The following SLC8A2 variants were observed in gnomAD, a reference collection of about 807,000 sequenced individuals.
SLC8A2 encodes the protein solute carrier family 8 member A2.
In SLC8A2, 14 loss-of-function variants were observed where a neutral mutation model predicts 70.2. The ratio of observed to expected loss-of-function variants is 0.20; its 90% CI spans 0.13 to 0.31. The LOEUF is 0.31. SLC8A2 is among the 10% of genes least tolerant of loss of function. The pLI is 1.00. For missense variants in SLC8A2, 779 were observed against 1,320.1 expected, an observed-to-expected ratio of 0.59 and a Z score of 6.35; for synonymous variants, 575 against 594.3, an observed-to-expected ratio of 0.97 and a Z score of 0.47.
chr19:47,431,682 AAAAC>A (rs1568438668), intron 9 of SLC8A2, among the ~76,000 whole-genome samples: 29 of 27,436 alleles, frequency 1.1e-3, no homozygotes, highest in East Asian at 5.2e-3. Context: ...AAAAAAAAAC[AAAAC>A]CCAAAAAAAC....
intron 2 of SLC8A2, among the ~76,000 whole-genome samples, chr19:47,459,880 C>T (rs746152248): frequency 5.3e-5 from 8 of 152,132 alleles, no homozygotes; most frequent in Admixed American, 2.6e-4. Flanking sequence ...GAGAACCATG[C>T]CCAGCTGCCC....
chr19:47,457,809 T>TTC (rs1169130773), intron 2 of SLC8A2, among the ~76,000 whole-genome samples: 55,312 of 123,140 alleles, frequency 0.45, 12,950 homozygotes, highest in Non-Finnish European at 0.55. Flanking sequence ...TTCCTTCCTT[T>TTC]CTTCCTTCTT....
At chr19:47,469,477 C>G (rs979245022) in intron 1 of SLC8A2, among the ~76,000 whole-genome samples, 1 of 152,180 alleles carries the variant, frequency 6.6e-6, no homozygotes, top group African/African-American at 2.4e-5. Context: ...CTGCAGTCCT[C>G]AAGAGAGACC....
At chr19:47,450,871 C>T (rs1055016686) in intron 3 of SLC8A2, among the ~76,000 whole-genome samples, 1 of 152,094 alleles carries the variant, frequency 6.6e-6, no homozygotes, top group Non-Finnish European at 1.5e-5. Context: ...ACAGGGGAAG[C>T]ACCCAGAGGC....
chr19:47,437,780 G>T, intron 7 of SLC8A2, 69 bp downstream of exon 7: 2 of 1,589,074 alleles, frequency 1.3e-6, no homozygotes, highest in Non-Finnish European at 8.6e-7. Context: ...GTGGCTCCCC[G>T]CTTTCCGGAC....
rs1254040103 is a variant in SLC8A2, at chr19:47,430,788, G to A, written c.2390-323C>T. Among the ~76,000 whole-genome samples the A allele has an allele frequency of 5.3e-5, 8 of 151,974 alleles. No homozygotes were observed. Among genetic ancestry groups the A allele is most frequent in the Admixed American group, 2.0e-4 (3 of 15,252 alleles). On this transcript the variant is annotated intron_variant, in intron 9 of 9. Coordinates refer to ENST00000236877, the MANE Select transcript of SLC8A2 (RefSeq NM_015063.3). The surrounding 1 kb of genome is among the most constrained non-coding windows in gnomAD (Gnocchi z 5.9). ...GTCACCCAGGCTGGAGTGCAGTGGC[G>A]TGATCTCAGCTCACTGCAACTTCCG...
rs1171199455 is a variant in SLC8A2, at chr19:47,430,740, C to G, written c.2390-275G>C. ...CTCACTGCGTGATTTCTTTTTTTTT[C>G]CTCCGAGACGGAGTTTTGCTCTGTC... On this transcript the variant is annotated intron_variant, in intron 9 of 9. Coordinates refer to ENST00000236877, the MANE Select transcript of SLC8A2 (RefSeq NM_015063.3). The surrounding 1 kb of genome is among the most constrained non-coding windows in gnomAD (Gnocchi z 5.9). Among the ~76,000 whole-genome samples the G allele has an allele frequency of 3.3e-5, 5 of 151,758 alleles. No individual in the cohort carries two copies. Among genetic ancestry groups the G allele is most frequent in the African/African-American group, 1.2e-4 (5 of 41,368 alleles).
At position 47,430,870 on chromosome 19, in the gene SLC8A2, C is replaced by T. The variant is rs1946567374; in HGVS notation, c.2390-405G>A. Among the ~76,000 whole-genome samples, 1 of 152,014 alleles carries T rather than the reference C, an allele frequency of 6.6e-6. No individual in the cohort carries two copies. Among genetic ancestry groups the T allele is most frequent in the African/African-American group, 2.4e-5 (1 of 41,366 alleles). On this transcript the variant is annotated intron_variant, in intron 9 of 9. Transcript: ENST00000236877. This position sits in a 1 kb window ranked among gnomAD's most constrained non-coding sequence, Gnocchi z 5.9. ...GCCTCTGAGTAGCTGGGATTACAGGCGCCCACCACGCCCTGCTAAGATTTT... is the reference window on the plus strand; with the variant it reads ...GCCTCTGAGTAGCTGGGATTACAGGTGCCCACCACGCCCTGCTAAGATTTT...
intron 1 of SLC8A2, among the ~76,000 whole-genome samples, chr19:47,469,987 G>C (rs61500773): frequency 0.069 from 10,466 of 152,270 alleles, 915 homozygotes; most frequent in African/African-American, 0.21. Context: ...GGTAAGACCC[G>C]TCCTTCATAT....
chr19:47,432,036 C>T lies in SLC8A2; in HGVS notation c.2389+131G>A. 2.4e-6 allele frequency: 2 copies of T among 837,594 alleles called. No individual in the cohort carries two copies. The highest frequency in any genetic ancestry group is 1.7e-5 in the African/African-American group (1 of 57,884). 51.9% of individuals were successfully genotyped at this position (837,594 alleles called of 1,614,324 possible). ...GCTGCCTGGCTTCTATTATGCCCCACCTCCGTATTTCTCTGAGACCCACCA... is the reference window on the plus strand; with the variant it reads ...GCTGCCTGGCTTCTATTATGCCCCATCTCCGTATTTCTCTGAGACCCACCA... On this transcript the variant is annotated intron_variant, in intron 9 of 9. Transcript: ENST00000236877. This position sits in a 1 kb window ranked among gnomAD's most constrained non-coding sequence, Gnocchi z 6.2.
At position 47,430,772 on chromosome 19, in the gene SLC8A2, G is replaced by T. The variant is rs537903838; in HGVS notation, c.2390-307C>A. Among the ~76,000 whole-genome samples, 2 of 152,272 alleles carry T rather than the reference G, an allele frequency of 1.3e-5. No homozygotes were observed. Among genetic ancestry groups the T allele is most frequent in the South Asian group, 4.1e-4 (2 of 4,824 alleles). Reference sequence around the variant, plus strand: ...GACGGAGTTTTGCTCTGTCACCCAGGCTGGAGTGCAGTGGCGTGATCTCAG... The same window carrying T: ...GACGGAGTTTTGCTCTGTCACCCAGTCTGGAGTGCAGTGGCGTGATCTCAG... On this transcript the variant is annotated intron_variant, in intron 9 of 9. Transcript: ENST00000236877. This position sits in a 1 kb window ranked among gnomAD's most constrained non-coding sequence, Gnocchi z 5.9.
At chr19:47,459,806 CAT>C (rs1290077040) in intron 2 of SLC8A2, among the ~76,000 whole-genome samples, 3 of 152,092 alleles carry the variant, frequency 2.0e-5, no homozygotes, top group Non-Finnish European at 2.9e-5. Context: ...TGTGTGCGCA[CAT>C]GTGTGTATGT....
Position 47,457,457 on chromosome 19 carries a change from G to A in SLC8A2, c.813C>T (p.Gly271=). 6.2e-7 allele frequency: 1 copy of A among 1,608,380 alleles called. No homozygotes were observed. Among genetic ancestry groups the A allele is most frequent in the Non-Finnish European group, 8.5e-7 (1 of 1,178,210 alleles). The part of the protein sequence containing the change: ...RTDPRSGIII[G]AEGDPPKSIE... Reference sequence around the variant, plus strand: ...TGCTCTTCGGGGGGTCGCCCTCGGCGCCTATGATGATGCCGCTGCGTGGGT... The same window carrying A: ...TGCTCTTCGGGGGGTCGCCCTCGGCACCTATGATGATGCCGCTGCGTGGGT... Residue 271 remains glycine, a synonymous_variant, in exon 3 of 10, where the codon GGC becomes GGT. Coordinates refer to ENST00000236877, the MANE Select transcript of SLC8A2 (RefSeq NM_015063.3).
In SLC8A2 at chr19:47,430,173, G is replaced by T; in HGVS notation, c.2682C>A (p.Ala894=). ...ELGGPRGPKL[A]TTALFLGLWL... ...AGAGGCCCAGGAAGAGCGCGGTGGT[G>T]GCGAGCTTGGGTCCGCGCGGGCCGC... Residue 894 remains alanine (A), a synonymous_variant, in exon 10 of 10, where the codon GCC becomes GCA. Transcript: ENST00000236877. This position sits in a 1 kb window ranked among gnomAD's most constrained non-coding sequence, Gnocchi z 5.9. 6.3e-7 allele frequency: 1 copy of T among 1,598,828 alleles called. No individual in the cohort carries two copies. Among genetic ancestry groups the T allele is most frequent in the Non-Finnish European group, 8.5e-7 (1 of 1,172,824 alleles).
intron 2 of SLC8A2, among the ~76,000 whole-genome samples, chr19:47,464,474 A>T (rs1967433574): frequency 6.6e-6 from 1 of 152,196 alleles, no homozygotes; most frequent in South Asian, 2.1e-4. Context: ...CTTAAACTGT[A>T]CGATATATCA....
At position 47,457,472 on chromosome 19, in the gene SLC8A2, G is replaced by A; in HGVS notation, c.798C>T (p.Ser266=). 6.2e-7 allele frequency: 1 copy of A among 1,609,378 alleles called. No homozygotes were observed. Among genetic ancestry groups the A allele is most frequent in the Non-Finnish European group, 8.5e-7 (1 of 1,178,552 alleles). The change falls in exon 3 of 10, where the codon AGC becomes AGT. Residue 266 remains serine (S), a synonymous_variant. Transcript: ENST00000236877. ...VYKRYRTDPR[S]GIIIGAEGDP... ...CGCCCTCGGCGCCTATGATGATGCC[G>A]CTGCGTGGGTCGGTGCGGTAGCGCT...
intron 7 of SLC8A2, 141 bp from the exon 8 acceptor site, chr19:47,437,702 A>C: frequency 6.8e-6 from 8 of 1,175,508 alleles, no homozygotes; most frequent in Non-Finnish European, 1.0e-5. Context: ...GCAAGCAAGG[A>C]AAAGGGAGGC....
At chr19:47,470,517 A>G (rs1205093812) in intron 1 of SLC8A2, among the ~76,000 whole-genome samples, 2 of 152,110 alleles carry the variant, frequency 1.3e-5, no homozygotes, top group Non-Finnish European at 2.9e-5. Context: ...CCCCCCACTG[A>G]GACAGTGTGA....
In SLC8A2 at chr19:47,448,785, A is replaced by G. The variant is rs1205355378; in HGVS notation, c.1341-554T>C. ...AAGTGGCAGGGATATAGGACCCAGA[A>G]AGGACTCTGTCATTCCTCTGATAAA... is the stretch of plus-strand genomic sequence containing the variant. On this transcript the variant is annotated intron_variant, in intron 3 of 9. Transcript: ENST00000236877. The surrounding 1 kb of genome is among the most constrained non-coding windows in gnomAD (Gnocchi z 4.8). 6.6e-6 allele frequency among the ~76,000 whole-genome samples: 1 copy of G among 152,132 alleles called. No homozygotes were observed. Among genetic ancestry groups the G allele is most frequent in the Non-Finnish European group, 1.5e-5 (1 of 68,024 alleles).
Sources: allele counts gnomAD v4.1 joint callset (sites outside exome capture counted in the v4.1 genomes callset), GRCh38; gene constraint gnomAD v4.1.1; non-coding constraint Gnocchi (gnomAD v3.1); transcripts MANE v1.5; gene names NCBI Gene and HGNC (gene_info 2026-07-23, HGNC 2026-07-21).